Variants in TENT5D observed in about 807,000 individuals in gnomAD.
The protein encoded by TENT5D is terminal nucleotidyltransferase 5D.
For missense variants in TENT5D, 191 were observed against 287.0 expected (o/e 0.67, Z 2.42); for synonymous variants, 103 against 100.6 (o/e 1.02, Z -0.15).
At chrX:80,380,639 C>T (rs1375706934) in intron 3 of TENT5D, among the ~76,000 whole-genome samples, 2 of 111,176 alleles carry the variant, frequency 1.8e-5, no homozygotes, top group African/African-American at 6.6e-5. Flanking sequence ...GAATTGGGTG[C>T]TCCTGTATTG....
intron 1 of TENT5D, among the ~76,000 whole-genome samples, chrX:80,423,457 G>C (rs747228234): frequency 1.8e-5 from 2 of 111,490 alleles, no homozygotes; most frequent in Non-Finnish European, 3.8e-5. Flanking sequence ...CCGGGGTTCA[G>C]GGTTTTTATG....
intron 3 of TENT5D, among the ~76,000 whole-genome samples, chrX:80,367,294 A>G (rs1309158733): frequency 8.9e-6 from 1 of 111,847 alleles, no homozygotes; most frequent in East Asian, 2.8e-4. Flanking sequence ...ACAGTGAGAT[A>G]ATCATCTCAC....
intron 3 of TENT5D, among the ~76,000 whole-genome samples, chrX:80,407,521 T>C (rs1323721708): frequency 8.4e-5 from 9 of 107,452 alleles, no homozygotes; most frequent in Non-Finnish European, 1.5e-4. Flanking sequence ...TACATAATGG[T>C]AAAGGGATCA....
intron 3 of TENT5D, among the ~76,000 whole-genome samples, chrX:80,375,194 C>G (rs920132660): frequency 5.7e-4 from 64 of 111,389 alleles, no homozygotes; most frequent in Middle Eastern, 4.6e-3. Context: ...TTCTACCTAT[C>G]TTTCAAAACA....
intron 3 of TENT5D, among the ~76,000 whole-genome samples, chrX:80,375,351 A>C (rs1602196323): frequency 9.0e-6 from 1 of 111,130 alleles, no homozygotes. Context: ...GGGTGTATAT[A>C]TCTTATTTTC....
chrX:80,417,676 A>G (rs965985925), upstream of TENT5D, among the ~76,000 whole-genome samples: 1 of 111,155 alleles, frequency 9.0e-6, no homozygotes, highest in Non-Finnish European at 1.9e-5. Context: ...TGAAAGATCT[A>G]TTGTCAGCCT....
At position 80,400,271 on chromosome X, in the gene TENT5D, TG is replaced by T. The variant is rs759851711; in HGVS notation, c.-141-38338del. 4.1e-4 allele frequency among the ~76,000 whole-genome samples: 46 copies of T among 112,090 alleles called. 1 individual carries two copies. The highest frequency in any genetic ancestry group is 1.5e-3 in the African/African-American group (45 of 30,885). Reference sequence around the variant, plus strand: ...AAGAGCGAACCATTTGCCTTCTGAATGTGTTCTTTATGGGTCTCTGGCCTAT... The same window carrying T: ...AAGAGCGAACCATTTGCCTTCTGAATTGTTCTTTATGGGTCTCTGGCCTAT... On this transcript the variant is annotated intron_variant, in intron 3 of 4. Transcript: ENST00000538312.
At chrX:80,399,342 C>T (rs1407156299) in intron 3 of TENT5D, among the ~76,000 whole-genome samples, 1 of 111,989 alleles carries the variant, frequency 8.9e-6, no homozygotes, top group Non-Finnish European at 1.9e-5. Context: ...TATTGGTTTT[C>T]CCAACACTAC....
Position 80,345,630 on chromosome X carries a change from T to C in TENT5D, c.-142+3066T>C, listed in dbSNP as rs1012228982. Among the ~76,000 whole-genome samples the C allele has an allele frequency of 6.3e-5, 7 of 111,880 alleles. No homozygotes were observed. The South Asian group carries it at 2.2e-3, about 36-fold the overall frequency. On this transcript the variant is annotated intron_variant, in intron 3 of 4. Coordinates refer to the TENT5D transcript ENST00000538312. ...TTGTCCCACTTTAATTTTCCAAACA[T>C]ATGAGTGATTGTTGATAGAAGGATT...
At chrX:80,379,259 T>C (rs919344118) in intron 3 of TENT5D, among the ~76,000 whole-genome samples, 1 of 109,172 alleles carries the variant, frequency 9.2e-6, no homozygotes, top group African/African-American at 3.3e-5. Flanking sequence ...TTTATTGATT[T>C]GCATATGTTG....
chrX:80,402,951 A>G (rs967879722), intron 3 of TENT5D, among the ~76,000 whole-genome samples: 2 of 111,846 alleles, frequency 1.8e-5, no homozygotes, highest in Admixed American at 1.9e-4. Context: ...TTATGTCTGG[A>G]TGATCTTTCC....
chrX:80,355,430 G>A (rs1218585502), intron 3 of TENT5D, among the ~76,000 whole-genome samples: 1 of 111,479 alleles, frequency 9.0e-6, no homozygotes, highest in Admixed American at 9.5e-5. Flanking sequence ...AAGGGATAAA[G>A]CCACCTAAAG....
intron 3 of TENT5D, among the ~76,000 whole-genome samples, chrX:80,367,077 AATT>A (rs1930525949): frequency 9.0e-6 from 1 of 111,703 alleles, no homozygotes; most frequent in African/African-American, 3.2e-5. Flanking sequence ...TCAGTCTAGT[AATT>A]CCAGAGCCTA....
At chrX:80,417,429 G>T (rs2147557568), upstream of TENT5D, among the ~76,000 whole-genome samples, 1 of 102,230 alleles carries the variant, frequency 9.8e-6, no homozygotes, top group Non-Finnish European at 2.0e-5. Context: ...TATTTGTGGT[G>T]GCTGGTAATA....
intron 3 of TENT5D, among the ~76,000 whole-genome samples, chrX:80,403,558 A>C (rs1931428272): frequency 1.8e-5 from 2 of 112,298 alleles, no homozygotes; most frequent in South Asian, 7.3e-4. Flanking sequence ...TTGTTGTGGC[A>C]AGCTTCGCTG....
chrX:80,370,205 T>G (rs1230250151), intron 3 of TENT5D, among the ~76,000 whole-genome samples: 1 of 110,739 alleles, frequency 9.0e-6, no homozygotes, highest in Non-Finnish European at 1.9e-5. Flanking sequence ...ACCTCCAAAG[T>G]GATGGGATTA....
At chrX:80,412,519 G>A (rs1363107103) in intron 3 of TENT5D, among the ~76,000 whole-genome samples, 1 of 112,381 alleles carries the variant, frequency 8.9e-6, no homozygotes, top group Non-Finnish European at 1.9e-5. Context: ...AAAATGGAAT[G>A]CTTTTAACAG....
At chrX:80,374,846 A>G (rs1602508288) in intron 3 of TENT5D, among the ~76,000 whole-genome samples, 1 of 111,450 alleles carries the variant, frequency 9.0e-6, no homozygotes, top group Non-Finnish European at 1.9e-5. Context: ...TTTGCATTTT[A>G]CTGGTTAAGC....
chrX:80,416,008 G>C (rs1221253360), upstream of TENT5D, among the ~76,000 whole-genome samples: 1 of 111,090 alleles, frequency 9.0e-6, no homozygotes, highest in Non-Finnish European at 1.9e-5. Context: ...GTTTATTCCT[G>C]GTTCAATCTC....
Sources: gnomAD v4.1 joint callset for allele counts (sites outside exome capture counted in the v4.1 genomes callset) on GRCh38, gnomAD v4.1.1 for gene constraint, MANE v1.5 for transcripts, NCBI Gene and HGNC (gene_info 2026-07-23, HGNC 2026-07-21) for gene names.